The following CPD variants were observed in gnomAD, a reference collection of about 807,000 sequenced individuals.
CPD encodes the protein metallocarboxypeptidase D.
CPD carries 69 observed loss-of-function variants against 138.3 expected under a neutral mutation model. That is an observed-to-expected ratio of 0.50 (90% CI 0.41 to 0.61). The LOEUF (loss-of-function observed/expected upper bound fraction) is 0.61. Ranked by LOEUF, CPD falls within the 20% of genes least tolerant of loss-of-function variation. The probability of loss-of-function intolerance (pLI) is 0.00; values close to 1 mark genes in which losing one functional copy is unlikely to be tolerated. For synonymous variants in CPD, 651 were observed against 642.1 expected, an observed-to-expected ratio of 1.01 and a Z score of -0.21; for missense variants, 1,432 against 1,733.3, an observed-to-expected ratio of 0.83 and a Z score of 3.09.
chr17:30,439,179 A>G, intron 9 of CPD, 102 bp downstream of exon 9: 1 of 654,488 alleles, frequency 1.5e-6, no homozygotes, highest in Non-Finnish European at 2.6e-6. Context: ...AATAATAATT[A>G]TTTTTAAAAC....
Position 30,451,347 on chromosome 17 carries a change from T to C in CPD, c.3070-364T>C, listed in dbSNP as rs151246699. On this transcript the variant is annotated intron_variant, in intron 13 of 20. Transcript: ENST00000225719. The stretch of plus-strand genomic sequence containing the variant: ...GGACAGGTGCTCTGTGTTGCGAACT[T>C]ACTCAACTCTGCCATTAGAGCACAA... Among the ~76,000 whole-genome samples the C allele has an allele frequency of 2.5e-3, 380 of 152,296 alleles. 1 individual carries two copies. The highest frequency in any genetic ancestry group is 8.7e-3 in the African/African-American group (363 of 41,560).
In CPD at chr17:30,421,010, G is replaced by T. The variant is rs372888559; in HGVS notation, c.1137+27G>T. 1.9e-5 allele frequency: 30 copies of T among 1,607,906 alleles called. No individual in the cohort carries two copies. In the African/African-American group the frequency reaches 4.0e-4, roughly 22 times the overall value. On this transcript the variant is annotated intron_variant, in intron 3 of 20. Coordinates refer to ENST00000225719, the MANE Select transcript of CPD (RefSeq NM_001304.5). ...TAAAAGTAGATGACTGGAATGTTGGGGTATAGAAACAGGATTAAATAAGGG... is the reference window on the plus strand; with the variant it reads ...TAAAAGTAGATGACTGGAATGTTGGTGTATAGAAACAGGATTAAATAAGGG...
Position 30,469,332 on chromosome 17 carries a change from G to T in CPD, c.*4518G>T, listed in dbSNP as rs556271941. On this transcript the variant is annotated 3_prime_UTR_variant, in exon 21 of 21. Coordinates refer to ENST00000225719, the MANE Select transcript of CPD (RefSeq NM_001304.5). ...TTTGGAGTTGGACCAATCTGTGACT[G>T]ATTCTTCGTTCTGCTACTTGCTTCC... 10 of 152,336 alleles carry T rather than the reference G, an allele frequency of 6.6e-5. No homozygotes were observed. The East Asian group carries it at 1.9e-3, about 29-fold the overall frequency. 9.4% of individuals were successfully genotyped at this position (152,336 alleles called of 1,614,324 possible). A position where few individuals can be genotyped will look rare whatever the true frequency, so the allele number is the denominator to read the frequency against.
At position 30,466,397 on chromosome 17, in the gene CPD, AAAG is replaced by A. The variant is rs1913638751; in HGVS notation, c.*1588_*1590del. 1.3e-5 allele frequency: 2 copies of A among 152,562 alleles called. No individual in the cohort carries two copies. Among genetic ancestry groups the A allele is most frequent in the Non-Finnish European group, 2.9e-5 (2 of 67,996 alleles). The allele number at this position is 152,562 out of a possible 1,614,324, so 9.5% of individuals were successfully genotyped here. A position where few individuals can be genotyped will look rare whatever the true frequency, so the allele number is the denominator to read the frequency against. On this transcript the variant is annotated 3_prime_UTR_variant, in exon 21 of 21. Transcript: ENST00000225719. ...GGAATGCATTCAAAGTGGCTTTATA[AAAG>A]AAGATTTTCTTTAGCAAGAATAATG...
At position 30,442,945 on chromosome 17, in the gene CPD, C is replaced by T. The variant is rs186029574; in HGVS notation, c.2373+495C>T. Among the ~76,000 whole-genome samples the T allele has an allele frequency of 1.2e-3, 188 of 152,130 alleles. 2 individuals are homozygous for T. Among genetic ancestry groups the T allele is most frequent in the Non-Finnish European group, 2.1e-3 (142 of 67,986 alleles). ...GTTAATTAGGATAATCAGACTAATA[C>T]TTTCTGCCAGTACATTTCTGCATTT... On this transcript the variant is annotated intron_variant, in intron 10 of 20. Transcript: ENST00000225719.
rs371237615 is a variant in CPD, at chr17:30,430,799, A to G, written c.2018-973A>G. 2.9e-4 allele frequency among the ~76,000 whole-genome samples: 44 copies of G among 152,162 alleles called. 1 individual carries two copies. The highest frequency in any genetic ancestry group is 8.9e-4 in the African/African-American group (37 of 41,526). On this transcript the variant is annotated intron_variant, in intron 7 of 20. Transcript: ENST00000225719. Reference sequence around the variant, plus strand: ...CTCCCAAGTAGCTGGAACTGCAGGCATGCACCACCACACCTGGCTTATTTT... The same window carrying G: ...CTCCCAAGTAGCTGGAACTGCAGGCGTGCACCACCACACCTGGCTTATTTT...
At chr17:30,423,161 C>CA in intron 5 of CPD, 138 bp downstream of exon 5, 1 of 673,518 alleles carries the variant, frequency 1.5e-6, no homozygotes. Flanking sequence ...TAAAAGAAAG[C>CA]AAAAAAGAAA....
At chr17:30,451,397 C>T (rs1049058902) in intron 13 of CPD, among the ~76,000 whole-genome samples, 4 of 152,180 alleles carry the variant, frequency 2.6e-5, no homozygotes, top group African/African-American at 4.8e-5. Context: ...AATGAATAGT[C>T]ATGCTTATGT....
intron 14 of CPD, 89 bp downstream of exon 14, chr17:30,451,935 A>C (rs1444288522): frequency 1.6e-6 from 2 of 1,247,472 alleles, no homozygotes. Context: ...TCAGTGAATA[A>C]TGGAGTACTT....
chr17:30,462,005 G>A lies in CPD; in HGVS notation c.3759G>A (p.Ala1253=), dbSNP rs763221383. 2.4e-5 allele frequency: 38 copies of A among 1,613,738 alleles called. No homozygotes were observed. Among genetic ancestry groups the A allele is most frequent in the Admixed American group, 8.3e-5 (5 of 59,976 alleles). The stretch of plus-strand genomic sequence containing the variant: ...GAGGTTATTTCCATGTACTCTTAGC[G>A]CCAGGTGTCCATAACATTATTGCCA... ...KEGGYFHVLL[A]PGVHNIIAIA... Residue 1253 remains alanine, a synonymous_variant, in exon 19 of 21, where the codon GCG becomes GCA. Coordinates refer to ENST00000225719, the MANE Select transcript of CPD (RefSeq NM_001304.5).
intron 2 of CPD, among the ~76,000 whole-genome samples, chr17:30,417,595 T>G (rs1597718040): frequency 6.6e-6 from 1 of 152,304 alleles, no homozygotes. Flanking sequence ...TTTCTTTCTC[T>G]CAACTCCCAC....
intron 1 of CPD, among the ~76,000 whole-genome samples, chr17:30,381,307 C>T (rs1911039196): frequency 6.6e-6 from 1 of 152,198 alleles, no homozygotes; most frequent in Non-Finnish European, 1.5e-5. Context: ...TTAAAATGCT[C>T]TGTCCTTGCA....
chr17:30,429,594 G>A (rs1045730675), intron 7 of CPD, among the ~76,000 whole-genome samples: 1 of 152,150 alleles, frequency 6.6e-6, no homozygotes, highest in Non-Finnish European at 1.5e-5. Context: ...AAAGAAAAAA[G>A]CATACAAATT....
At chr17:30,452,982 C>T (rs1167222611) in intron 14 of CPD, among the ~76,000 whole-genome samples, 2 of 152,026 alleles carry the variant, frequency 1.3e-5, no homozygotes, top group Non-Finnish European at 2.9e-5. Context: ...ACGGGAAAGA[C>T]CCGCCCCCAT....
At chr17:30,433,297 T>G (rs894944301) in intron 8 of CPD, among the ~76,000 whole-genome samples, 6 of 152,318 alleles carry the variant, frequency 3.9e-5, no homozygotes, top group East Asian at 1.9e-4. Context: ...AAATAAAAAT[T>G]AAATGGCTGG....
Position 30,454,012 on chromosome 17 carries a change from T to C in CPD, c.3206-1327T>C, listed in dbSNP as rs564610233. ...GGGCCCAGCCCACAAAACCAGTTTT[T>C]CCTCCTGGGCCTCCAGGCCTTTGAT... On this transcript the variant is annotated intron_variant, in intron 14 of 20. Transcript: ENST00000225719. 8 of 152,320 alleles carry C rather than the reference T, an allele frequency of 5.3e-5. No individual in the cohort carries two copies. In the East Asian group the frequency reaches 9.7e-4, roughly 18 times the overall value. 9.4% of individuals were successfully genotyped at this position (152,320 alleles called of 1,614,324 possible).
intron 2 of CPD, among the ~76,000 whole-genome samples, chr17:30,396,071 T>C (rs992272509): frequency 1.3e-5 from 2 of 152,182 alleles, no homozygotes; most frequent in African/African-American, 4.8e-5. Flanking sequence ...TTATGCTCAT[T>C]AGCTTTTAAA....
chr17:30,461,575 A>G (rs1299035241), intron 18 of CPD, among the ~76,000 whole-genome samples: 2 of 152,150 alleles, frequency 1.3e-5, no homozygotes, highest in Middle Eastern at 3.2e-3. Context: ...TCAGTATACC[A>G]TGGTGGGAAG....
At position 30,462,046 on chromosome 17, in the gene CPD, A is replaced by C; in HGVS notation, c.3800A>C (p.Gln1267Pro). The change falls in exon 19 of 21, where the codon CAG becomes CCG. Residue 1267 changes from glutamine to proline, a missense_variant. Transcript: ENST00000225719. ...HNIIAIADGYQQQHSQVFVHH... is the reference protein window; with the variant it reads ...HNIIAIADGYPQQHSQVFVHH... ...ATTATTGCCATCGCTGATGGGTACC[A>C]GCAACAACATTCACAGGTAAGAAAC... is the stretch of plus-strand genomic sequence containing the variant. The C allele has an allele frequency of 6.2e-7, 1 of 1,609,708 alleles. No homozygotes were observed. Among genetic ancestry groups the C allele is most frequent in the Non-Finnish European group, 8.5e-7 (1 of 1,178,700 alleles).
Sources: gnomAD v4.1 joint callset for allele counts (sites outside exome capture counted in the v4.1 genomes callset) on GRCh38, gnomAD v4.1.1 for gene constraint, MANE v1.5 for transcripts, NCBI Gene and HGNC (gene_info 2026-07-23, HGNC 2026-07-21) for gene names.